Variants in BCAR3 observed in about 807,000 individuals in gnomAD.
The protein encoded by BCAR3 is BCAR3 adaptor protein, NSP family member.
Under a neutral mutation model 80.1 loss-of-function variants are expected in BCAR3, and 37 were observed. The observed-to-expected ratio is 0.46, with a 90% CI of 0.36 to 0.61. BCAR3 has a LOEUF of 0.61. Among genes scored for constraint, BCAR3 ranks in the 20% least tolerant of loss-of-function variants. The pLI, the probability that BCAR3 is intolerant of heterozygous loss-of-function variation, is 0.00. For synonymous variants in BCAR3, 389 were observed against 418.9 expected (o/e 0.93, Z 0.87); for missense variants, 978 against 1,068.2 (o/e 0.92, Z 1.18).
intron 2 of BCAR3, among the ~76,000 whole-genome samples, chr1:93,807,498 CG>C (rs1342114695): frequency 6.6e-6 from 1 of 152,060 alleles, no homozygotes; most frequent in East Asian, 1.9e-4. Flanking sequence ...TTGAGCTCTG[CG>C]GAAGGTGGTG....
chr1:93,683,058 G>A (rs56072327), upstream of BCAR3, among the ~76,000 whole-genome samples: 7,019 of 152,140 alleles, frequency 0.046, 275 homozygotes, highest in African/African-American at 0.1. Context: ...AAGGCAAACC[G>A]CAGAGTGAGA....
intron 2 of BCAR3, among the ~76,000 whole-genome samples, chr1:93,797,063 G>A (rs1653303212): frequency 6.6e-6 from 1 of 152,304 alleles, no homozygotes; most frequent in Middle Eastern, 3.4e-3. Context: ...TTCCATAAAT[G>A]TATACCTTGT....
At chr1:93,682,025 A>G (rs1038513520), upstream of BCAR3, among the ~76,000 whole-genome samples, 3 of 151,892 alleles carry the variant, frequency 2.0e-5, no homozygotes, top group African/African-American at 7.3e-5. Context: ...GCCAGTCCTC[A>G]AGTATAGCTC....
At chr1:93,747,897 C>T (rs1651413075) in intron 2 of BCAR3, among the ~76,000 whole-genome samples, 3 of 130,196 alleles carry the variant, frequency 2.3e-5, no homozygotes, top group Non-Finnish European at 3.2e-5. Context: ...TTACTATGAT[C>T]CTGGAGAGTC....
chr1:93,803,355 A>G (rs1332050155), intron 2 of BCAR3, among the ~76,000 whole-genome samples: 2 of 152,230 alleles, frequency 1.3e-5, no homozygotes, highest in Non-Finnish European at 2.9e-5. Context: ...ACCTGCAGCA[A>G]TGCTTAGTTG....
chr1:93,705,185 G>A (rs565617959), intron 3 of BCAR3, among the ~76,000 whole-genome samples: 36 of 152,294 alleles, frequency 2.4e-4, no homozygotes, highest in African/African-American at 5.8e-4. Context: ...GGGTTTCTGC[G>A]TGGAAAAGAA....
intron 3 of BCAR3, among the ~76,000 whole-genome samples, chr1:93,641,419 G>A (rs941923292): frequency 1.6e-4 from 25 of 152,136 alleles, no homozygotes; most frequent in Middle Eastern, 3.2e-3. Flanking sequence ...CTCTTGCTAC[G>A]ATTTCTCCCA....
chr1:93,806,843 C>T (rs1025767829), intron 2 of BCAR3, among the ~76,000 whole-genome samples: 4 of 152,156 alleles, frequency 2.6e-5, no homozygotes, highest in Non-Finnish European at 4.4e-5. Flanking sequence ...GAAGGCTGGG[C>T]ATGGCGGCTC....
chr1:93,714,775 C>T (rs1650142346), intron 2 of BCAR3, among the ~76,000 whole-genome samples: 1 of 151,664 alleles, frequency 6.6e-6, no homozygotes, highest in African/African-American at 2.4e-5. Context: ...TCTAGCAACA[C>T]AATATTTAAA....
intron 2 of BCAR3, among the ~76,000 whole-genome samples, chr1:93,723,847 T>C (rs1650490696): frequency 6.6e-6 from 1 of 152,128 alleles, no homozygotes; most frequent in African/African-American, 2.4e-5. Context: ...GCAGTTCTCT[T>C]GGTAAAGGCG....
intron 2 of BCAR3, among the ~76,000 whole-genome samples, chr1:93,769,933 T>C (rs1304941124): frequency 7.2e-5 from 11 of 151,990 alleles, no homozygotes; most frequent in Non-Finnish European, 1.3e-4. Context: ...GTAGCTGAGC[T>C]GCAGGATGTC....
At chr1:93,576,548 C>T (rs548485554) in intron 7 of BCAR3, among the ~76,000 whole-genome samples, 20 of 152,348 alleles carry the variant, frequency 1.3e-4, no homozygotes, top group African/African-American at 4.8e-4. Context: ...ATCCAAGAGC[C>T]TCTCCGCTGT....
At chr1:93,609,068 C>T (rs1290672936) in intron 3 of BCAR3, among the ~76,000 whole-genome samples, 4 of 152,174 alleles carry the variant, frequency 2.6e-5, no homozygotes, top group East Asian at 3.9e-4. Context: ...CACACACACG[C>T]ACCGCCACAG....
intron 3 of BCAR3, among the ~76,000 whole-genome samples, chr1:93,701,244 C>G (rs1199927271): frequency 1.3e-5 from 2 of 152,202 alleles, no homozygotes; most frequent in African/African-American, 2.4e-5. Context: ...CCCCACTTGC[C>G]TTGAAGGGAG....
At chr1:93,691,313 CA>C (rs1649178010) in intron 3 of BCAR3, among the ~76,000 whole-genome samples, 5 of 152,324 alleles carry the variant, frequency 3.3e-5, no homozygotes, top group African/African-American at 1.2e-4. Context: ...CCCATTACTT[CA>C]CAGGCTGCTG....
At chr1:93,663,225 A>G (rs1647744838) in intron 2 of BCAR3, among the ~76,000 whole-genome samples, 1 of 152,230 alleles carries the variant, frequency 6.6e-6, no homozygotes, top group African/African-American at 2.4e-5. Flanking sequence ...TGTTCCAAAC[A>G]TAACTTCTGA....
At chr1:93,687,362 C>T (rs1649011667) in intron 3 of BCAR3, among the ~76,000 whole-genome samples, 2 of 152,142 alleles carry the variant, frequency 1.3e-5, no homozygotes, top group Admixed American at 6.5e-5. Context: ...GGCTGGAGTG[C>T]AGTAGCATGA....
At chr1:93,809,100 G>A (rs1227598018) in intron 2 of BCAR3, among the ~76,000 whole-genome samples, 1 of 152,128 alleles carries the variant, frequency 6.6e-6, no homozygotes, top group Non-Finnish European at 1.5e-5. Context: ...AAAGTGAAGA[G>A]TAAAGAGATA....
At chr1:93,696,638 C>G (rs758624103) in intron 3 of BCAR3, among the ~76,000 whole-genome samples, 15 of 152,138 alleles carry the variant, frequency 9.9e-5, no homozygotes, top group Non-Finnish European at 1.9e-4. Context: ...AAGCTTGATC[C>G]ATCCCTCTAC....
Sources: allele counts gnomAD v4.1 joint callset (sites outside exome capture counted in the v4.1 genomes callset), GRCh38; gene constraint gnomAD v4.1.1; transcripts MANE v1.5; gene names NCBI Gene and HGNC (gene_info 2026-07-23, HGNC 2026-07-21).